PTER: variants seen among roughly 807,000 people sequenced by gnomAD.
PTER encodes the protein phosphotriesterase related, also known as N-acetyltaurine hydrolase.
Under a neutral mutation model 29.6 loss-of-function variants are expected in PTER, and 38 were observed. The observed-to-expected ratio is 1.28, with a 90% CI of 0.99 to 1.68. PTER has a LOEUF of 1.68. Among genes scored for constraint, PTER ranks in the 40% most tolerant of loss-of-function variants. The probability of loss-of-function intolerance (pLI) is 0.00; values close to 1 mark genes in which losing one functional copy is unlikely to be tolerated. For synonymous variants in PTER, 172 were observed against 154.5 expected (o/e 1.11, Z -0.84); for missense variants, 482 against 427.8 (o/e 1.13, Z -1.12).
intron 3 of PTER, among the ~76,000 whole-genome samples, chr10:16,494,463 G>A (rs911222123): frequency 1.4e-4 from 21 of 152,112 alleles, no homozygotes; most frequent in Non-Finnish European, 2.9e-4. Context: ...TTAAAATATG[G>A]ATAATAGCAT....
At position 16,459,564 on chromosome 10, in the gene PTER, C is replaced by G. The variant is rs559344054; in HGVS notation, c.-49+22517C>G. 5.4e-4 allele frequency among the ~76,000 whole-genome samples: 82 copies of G among 152,096 alleles called. 1 individual carries two copies. The highest frequency in any genetic ancestry group is 6.2e-4 in the Non-Finnish European group (42 of 68,010). On this transcript the variant is annotated intron_variant, in intron 1 of 4. Coordinates refer to ENST00000535784, the MANE Select transcript of PTER (RefSeq NM_001261836.2). ...AACTACAGGACTTGTTAGATACACC[C>G]CTGCATCTGCTAGTTCAGATGTTTT...
intron 4 of PTER, among the ~76,000 whole-genome samples, chr10:16,508,568 A>G (rs936160678): frequency 5.3e-5 from 8 of 152,130 alleles, no homozygotes; most frequent in African/African-American, 9.7e-5. Flanking sequence ...CAGATGACCG[A>G]TGGCTCCCCC....
intron 3 of PTER, among the ~76,000 whole-genome samples, chr10:16,502,688 G>A (rs1836397468): frequency 6.6e-6 from 1 of 151,980 alleles, no homozygotes; most frequent in Admixed American, 6.6e-5. Flanking sequence ...GTTCTCCTGT[G>A]GTTTATAAGA....
At chr10:16,503,080 T>C (rs1836421976) in intron 3 of PTER, among the ~76,000 whole-genome samples, 1 of 137,418 alleles carries the variant, frequency 7.3e-6, no homozygotes, top group East Asian at 2.1e-4. Context: ...TTTTTTTTTT[T>C]TTTTTTTTTT....
intron 3 of PTER, among the ~76,000 whole-genome samples, chr10:16,497,938 A>G (rs35102365): frequency 0.47 from 71,096 of 151,794 alleles, 16,887 homozygotes; most frequent in East Asian, 0.7. Flanking sequence ...TTTTTAGCTG[A>G]TGACAATTTA....
rs944628370 is a variant in PTER at position 16,505,114 on chromosome 10, C to T, written c.793C>T (p.Leu265Phe). The change falls in exon 4 of 5, where the codon CTC becomes TTC. Residue 265 changes from leucine (L) to phenylalanine (F), a missense_variant. By Grantham distance (22) the Leu-to-Phe change is conservative (BLOSUM62 0). Transcript: ENST00000535784. Reference sequence around the variant, plus strand: ...TGGTACTGAACTACTTCATTACCAACTCGGCCCAGATATTGACATGCCTGA... The same window carrying T: ...TGGTACTGAACTACTTCATTACCAATTCGGCCCAGATATTGACATGCCTGA... ...LFGTELLHYQLGPDIDMPDDN... is the reference protein window; with the variant it reads ...LFGTELLHYQFGPDIDMPDDN... The T allele has an allele frequency of 6.2e-7, 1 of 1,613,908 alleles. No individual in the cohort carries two copies. The highest frequency in any genetic ancestry group is 1.3e-5 in the African/African-American group (1 of 74,920).
intron 1 of PTER, among the ~76,000 whole-genome samples, chr10:16,468,488 T>C (rs1437539897): frequency 2.0e-5 from 3 of 152,222 alleles, no homozygotes; most frequent in Admixed American, 2.0e-4. Flanking sequence ...ATTTTTGTTT[T>C]CTTACTTTAT....
intron 3 of PTER, among the ~76,000 whole-genome samples, chr10:16,488,616 G>T (rs1835788680): frequency 6.6e-6 from 1 of 151,378 alleles, no homozygotes; most frequent in Admixed American, 6.6e-5. Context: ...GAGAGAGAGA[G>T]AGAGAGAGAG....
At chr10:16,490,292 C>A (rs1194155086) in intron 3 of PTER, among the ~76,000 whole-genome samples, 2 of 152,126 alleles carry the variant, frequency 1.3e-5, no homozygotes, top group Non-Finnish European at 2.9e-5. Flanking sequence ...GTATTGCATT[C>A]ACGCCATTGT....
intron 1 of PTER, among the ~76,000 whole-genome samples, chr10:16,460,811 G>A (rs761042073): frequency 2.6e-5 from 4 of 151,948 alleles, no homozygotes; most frequent in Non-Finnish European, 5.9e-5. Context: ...CTACCTCCCG[G>A]GTTCAAGAGA....
intron 3 of PTER, among the ~76,000 whole-genome samples, chr10:16,504,006 A>G (rs17138743): frequency 0.027 from 4,070 of 152,216 alleles, 147 homozygotes; most frequent in East Asian, 0.15. Flanking sequence ...CTTTCATGCA[A>G]TGTCTAATGG....
intron 1 of PTER, among the ~76,000 whole-genome samples, chr10:16,482,286 G>A (rs1283847007): frequency 6.6e-6 from 1 of 152,122 alleles, no homozygotes; most frequent in East Asian, 1.9e-4. Flanking sequence ...CTCTGATGTT[G>A]TTTTCACCTT....
At chr10:16,456,859 A>AAGTG (rs1834412860) in intron 1 of PTER, among the ~76,000 whole-genome samples, 1 of 56,134 alleles carries the variant, frequency 1.8e-5, no homozygotes, top group Non-Finnish European at 3.2e-5. Context: ...ACCATGGGGA[A>AAGTG]GGTGGGGGGG....
At chr10:16,445,592 C>G (rs1833987932) in intron 1 of PTER, among the ~76,000 whole-genome samples, 1 of 152,214 alleles carries the variant, frequency 6.6e-6, no homozygotes, top group Non-Finnish European at 1.5e-5. Flanking sequence ...TTCCCAGGCT[C>G]TCAGGCTGCA....
chr10:16,452,676 G>A (rs1462471406), intron 1 of PTER, among the ~76,000 whole-genome samples: 2 of 149,484 alleles, frequency 1.3e-5, no homozygotes, highest in African/African-American at 5.0e-5. Flanking sequence ...TGCTGATGAT[G>A]ATTCTCCTTC....
intron 1 of PTER, among the ~76,000 whole-genome samples, chr10:16,443,926 C>G (rs915819125): frequency 1.3e-5 from 2 of 151,378 alleles, no homozygotes; most frequent in African/African-American, 4.9e-5. Flanking sequence ...TTGTGTCTTA[C>G]AATTATCACG....
At chr10:16,472,405 G>A (rs1343527873) in intron 1 of PTER, among the ~76,000 whole-genome samples, 1 of 152,052 alleles carries the variant, frequency 6.6e-6, no homozygotes, top group Non-Finnish European at 1.5e-5. Context: ...GAATCACGGG[G>A]GCGGTTTCCC....
At chr10:16,455,254 A>G (rs1834355210) in intron 1 of PTER, among the ~76,000 whole-genome samples, 1 of 152,018 alleles carries the variant, frequency 6.6e-6, no homozygotes, top group Non-Finnish European at 1.5e-5. Context: ...AAAAATGAAT[A>G]AGCAGAGCTG....
intron 1 of PTER, among the ~76,000 whole-genome samples, chr10:16,483,349 A>G (rs1431426665): frequency 6.6e-6 from 1 of 152,228 alleles, no homozygotes; most frequent in Non-Finnish European, 1.5e-5. Context: ...CTAGACAATC[A>G]AGCATTCAAC....
Sources: allele counts gnomAD v4.1 joint callset (sites outside exome capture counted in the v4.1 genomes callset), GRCh38; gene constraint gnomAD v4.1.1; transcripts MANE v1.5; gene names NCBI Gene and HGNC (gene_info 2026-07-23, HGNC 2026-07-21).